The following TMEM38B variants were observed in gnomAD, a reference collection of about 807,000 sequenced individuals.
TMEM38B encodes transmembrane protein 38B, also known as trimeric intracellular cation channel type B.
Under a neutral mutation model 28.7 loss-of-function variants are expected in TMEM38B, and 24 were observed. The observed-to-expected ratio is 0.84, with a 90% CI of 0.61 to 1.18. The LOEUF (loss-of-function observed/expected upper bound fraction) is 1.18. Ranked by LOEUF, TMEM38B falls within the 50% of genes most tolerant of loss-of-function variation. The pLI is 0.00. For synonymous variants in TMEM38B, 131 were observed against 127.7 expected, an observed-to-expected ratio of 1.03 and a Z score of -0.17; for missense variants, 380 against 350.9, an observed-to-expected ratio of 1.08 and a Z score of -0.66.
intron 1 of TMEM38B, among the ~76,000 whole-genome samples, chr9:105,700,313 A>G (rs1395438777): frequency 6.6e-6 from 1 of 152,206 alleles, no homozygotes; most frequent in Non-Finnish European, 1.5e-5. Flanking sequence ...TACCTTTTCT[A>G]CACAATAATA....
At chr9:105,730,469 T>G (rs922928824) in intron 4 of TMEM38B, among the ~76,000 whole-genome samples, 4 of 152,208 alleles carry the variant, frequency 2.6e-5, no homozygotes, top group Admixed American at 2.6e-4. Flanking sequence ...GGATTTGGTT[T>G]GCCAGTATTT....
chr9:105,703,597 G>A (rs1835531682), intron 1 of TMEM38B, among the ~76,000 whole-genome samples: 1 of 152,160 alleles, frequency 6.6e-6, no homozygotes, highest in Non-Finnish European at 1.5e-5. Flanking sequence ...GGTATTTCCA[G>A]TTCTAGATCC....
chr9:105,739,161 A>G (rs1003072385), intron 4 of TMEM38B, among the ~76,000 whole-genome samples: 2 of 152,184 alleles, frequency 1.3e-5, no homozygotes, highest in Non-Finnish European at 2.9e-5. Flanking sequence ...TCAACTGAGC[A>G]TAGATGTATG....
rs376697518 is a variant in TMEM38B at position 105,713,527 on chromosome 9, T to C, written c.269+7774T>C. On this transcript the variant is annotated intron_variant, in intron 2 of 5. Coordinates refer to ENST00000374692, the MANE Select transcript of TMEM38B (RefSeq NM_018112.3). The stretch of plus-strand genomic sequence containing the variant: ...TGCCACCTTGGCCCCCTCTGGACTT[T>C]GGGTGCTGAAGAGTGCGGGAGGGGA... Among the ~76,000 whole-genome samples the C allele has an allele frequency of 1.2e-3, 186 of 152,246 alleles. 1 individual carries two copies. The highest frequency in any genetic ancestry group is 4.2e-3 in the African/African-American group (175 of 41,564).
chr9:105,697,705 T>C (rs765407072), intron 1 of TMEM38B, among the ~76,000 whole-genome samples: 56 of 152,184 alleles, frequency 3.7e-4, no homozygotes, highest in Non-Finnish European at 7.2e-4. Context: ...TCTTTAACTT[T>C]GTTTATATTG....
chr9:105,728,450 C>G (rs1588424488), intron 4 of TMEM38B, among the ~76,000 whole-genome samples: 1 of 152,100 alleles, frequency 6.6e-6, no homozygotes, highest in South Asian at 2.1e-4. Context: ...GCATAATATT[C>G]CATGGTGTAT....
intron 4 of TMEM38B, among the ~76,000 whole-genome samples, chr9:105,746,640 A>G (rs560578621): frequency 5.4e-4 from 82 of 152,286 alleles, no homozygotes; most frequent in African/African-American, 1.9e-3. Context: ...GAGAGAGGGC[A>G]TCCCTGTCTT....
At chr9:105,765,678 G>C (rs1274964725) in intron 5 of TMEM38B, among the ~76,000 whole-genome samples, 1 of 152,092 alleles carries the variant, frequency 6.6e-6, no homozygotes, top group Non-Finnish European at 1.5e-5. Context: ...TGTTTTTCCA[G>C]TTATCTGTTG....
chr9:105,737,063 T>C (rs879466480), intron 4 of TMEM38B, among the ~76,000 whole-genome samples: 6 of 152,208 alleles, frequency 3.9e-5, no homozygotes. Context: ...CCACAGGCAG[T>C]CACAGCAGTG....
chr9:105,739,849 A>G (rs1051024085), intron 4 of TMEM38B, among the ~76,000 whole-genome samples: 4 of 151,802 alleles, frequency 2.6e-5, no homozygotes, highest in African/African-American at 9.7e-5. Context: ...CAATGTATGA[A>G]CATGGGATAG....
intron 4 of TMEM38B, among the ~76,000 whole-genome samples, chr9:105,747,289 C>T (rs200935227): frequency 6.6e-6 from 1 of 152,150 alleles, no homozygotes; most frequent in Non-Finnish European, 1.5e-5. Context: ...TCAATTTCTT[C>T]CTGGTTTAGT....
At chr9:105,710,185 C>A (rs894491948) in intron 2 of TMEM38B, 1 of 431,496 alleles carries the variant, frequency 2.3e-6, no homozygotes, top group Non-Finnish European at 4.4e-6. Flanking sequence ...CTTCCACACA[C>A]CCCTTTGTCA....
intron 2 of TMEM38B, among the ~76,000 whole-genome samples, chr9:105,708,512 AG>A (rs1484369399): frequency 3.3e-5 from 5 of 152,214 alleles, no homozygotes; most frequent in African/African-American, 1.2e-4. Context: ...TATCTTATTA[AG>A]AACAATATCC....
intron 4 of TMEM38B, among the ~76,000 whole-genome samples, chr9:105,732,674 GT>G (rs1451062827): frequency 6.6e-6 from 1 of 152,114 alleles, no homozygotes; most frequent in African/African-American, 2.4e-5. Flanking sequence ...CTGTATCTCT[GT>G]TTTGGTACCA....
chr9:105,768,474 A>G (rs976685389), intron 5 of TMEM38B, among the ~76,000 whole-genome samples: 3 of 152,022 alleles, frequency 2.0e-5, no homozygotes, highest in African/African-American at 7.2e-5. Flanking sequence ...CTCTGAGTTT[A>G]TGTAGGTTTG....
chr9:105,761,612 A>G (rs1308885008), intron 5 of TMEM38B, among the ~76,000 whole-genome samples: 1 of 152,196 alleles, frequency 6.6e-6, no homozygotes, highest in African/African-American at 2.4e-5. Flanking sequence ...ACCTACTGCA[A>G]TCAGGGCATA....
At chr9:105,705,898 A>T in intron 2 of TMEM38B, 145 bp downstream of exon 2, 2 of 741,904 alleles carry the variant, frequency 2.7e-6, no homozygotes, top group Non-Finnish European at 4.1e-6. Context: ...AATAATGCTA[A>T]GGGGTTTTTT....
intron 4 of TMEM38B, among the ~76,000 whole-genome samples, chr9:105,733,421 C>T (rs76685333): frequency 0.012 from 1,538 of 127,706 alleles, 22 homozygotes; most frequent in African/African-American, 0.041. Flanking sequence ...TTTCTTTTTT[C>T]TTTTTTTTTT....
chr9:105,715,119 A>G (rs1428472550), intron 2 of TMEM38B, among the ~76,000 whole-genome samples: 1 of 152,184 alleles, frequency 6.6e-6, no homozygotes, highest in African/African-American at 2.4e-5. Flanking sequence ...TATTATGCAC[A>G]CAGTAGTCTT....
Sources: allele counts gnomAD v4.1 joint callset (sites outside exome capture counted in the v4.1 genomes callset), GRCh38; gene constraint gnomAD v4.1.1; transcripts MANE v1.5; gene names NCBI Gene and HGNC (gene_info 2026-07-23, HGNC 2026-07-21).